Variants in CNIH3 observed in about 807,000 individuals in gnomAD.
CNIH3 encodes the protein protein cornichon homolog 3.
Under a neutral mutation model 24.1 loss-of-function variants are expected in CNIH3, and 14 were observed. The ratio of observed to expected loss-of-function variants is 0.58; its 90% CI spans 0.38 to 0.91. CNIH3 has a LOEUF of 0.91. Ranked by LOEUF, CNIH3 falls within the 40% of genes least tolerant of loss-of-function variation. The probability of loss-of-function intolerance (pLI) is 0.00; values close to 1 mark genes in which losing one functional copy is unlikely to be tolerated. For synonymous variants in CNIH3, 68 were observed against 73.8 expected (o/e 0.92, Z 0.40); for missense variants, 178 against 196.8 (o/e 0.90, Z 0.57).
chr1:224,543,239 C>G (rs562374503), intron 2 of CNIH3, among the ~76,000 whole-genome samples: 2 of 152,174 alleles, frequency 1.3e-5, no homozygotes, highest in Non-Finnish European at 2.9e-5. Flanking sequence ...GAGGGTGACA[C>G]GTCCTGATTC....
At chr1:224,643,144 G>C (rs1380913673) in intron 1 of CNIH3, among the ~76,000 whole-genome samples, 1 of 152,164 alleles carries the variant, frequency 6.6e-6, no homozygotes, top group Non-Finnish European at 1.5e-5. Context: ...TTGTATTCCT[G>C]TCCTCAAATG....
chr1:224,475,272 C>A (rs1210497062), intron 1 of CNIH3, among the ~76,000 whole-genome samples: 31 of 149,888 alleles, frequency 2.1e-4, no homozygotes, highest in Non-Finnish European at 3.2e-4. Flanking sequence ...AGGAGAAGGG[C>A]ATGAACCCAG....
At chr1:224,495,250 T>C (rs1677390281) in intron 1 of CNIH3, among the ~76,000 whole-genome samples, 1 of 152,108 alleles carries the variant, frequency 6.6e-6, no homozygotes, top group Non-Finnish European at 1.5e-5. Flanking sequence ...CCAGCCCCCT[T>C]CTCTCCCATG....
chr1:224,493,139 A>G (rs879590769), intron 1 of CNIH3, among the ~76,000 whole-genome samples: 11 of 152,022 alleles, frequency 7.2e-5, no homozygotes, highest in Admixed American at 7.2e-4. Flanking sequence ...TAGAAACAAA[A>G]TTTTCCTTCT....
intron 4 of CNIH3, among the ~76,000 whole-genome samples, chr1:224,566,634 C>T (rs1680594135): frequency 6.6e-6 from 1 of 152,106 alleles, no homozygotes; most frequent in Non-Finnish European, 1.5e-5. Flanking sequence ...TTTTCTGTTC[C>T]TGTGATAGTT....
chr1:224,489,651 A>G (rs969840139), intron 1 of CNIH3, among the ~76,000 whole-genome samples: 3 of 152,238 alleles, frequency 2.0e-5, no homozygotes, highest in Admixed American at 6.5e-5. Flanking sequence ...TTGGTCTGAT[A>G]GGAGCTATTA....
At chr1:224,466,789 G>T (rs1001152068) in intron 1 of CNIH3, among the ~76,000 whole-genome samples, 1 of 152,134 alleles carries the variant, frequency 6.6e-6, no homozygotes, top group Non-Finnish European at 1.5e-5. Context: ...TTATCACTCT[G>T]TTAGGCATGT....
chr1:224,536,061 A>T (rs770044481), intron 2 of CNIH3, among the ~76,000 whole-genome samples: 3 of 152,176 alleles, frequency 2.0e-5, no homozygotes, highest in South Asian at 4.1e-4. Context: ...GGTGCAAAGA[A>T]GAGTGGACAA....
intron 1 of CNIH3, among the ~76,000 whole-genome samples, chr1:224,439,201 A>G (rs570636020): frequency 3.9e-4 from 59 of 152,210 alleles, no homozygotes; most frequent in Middle Eastern, 3.4e-3. Context: ...CAAACATTCC[A>G]TTCATGCCAT....
intron 1 of CNIH3, among the ~76,000 whole-genome samples, chr1:224,452,255 T>C (rs1313609480): frequency 1.3e-5 from 2 of 151,768 alleles, no homozygotes; most frequent in Non-Finnish European, 2.9e-5. Flanking sequence ...GTTCAAGTGA[T>C]TCTCCTGCCT....
intron 3 of CNIH3, among the ~76,000 whole-genome samples, chr1:224,701,724 C>T (rs553073379): frequency 2.0e-4 from 31 of 152,234 alleles, no homozygotes; most frequent in African/African-American, 3.4e-4. Flanking sequence ...ATCTCACTCG[C>T]GACAGCCCTG....
intron 3 of CNIH3, among the ~76,000 whole-genome samples, chr1:224,716,098 C>G (rs1054230408): frequency 2.6e-5 from 4 of 152,186 alleles, no homozygotes; most frequent in African/African-American, 9.7e-5. Context: ...ATGGTACCTC[C>G]TAAGTATTTT....
intron 3 of CNIH3, among the ~76,000 whole-genome samples, chr1:224,552,790 A>G (rs2124969139): frequency 6.6e-6 from 1 of 151,596 alleles, no homozygotes; most frequent in Admixed American, 6.6e-5. Flanking sequence ...TAGGAGTAAT[A>G]TATCTCCGTT....
intron 1 of CNIH3, among the ~76,000 whole-genome samples, chr1:224,449,036 C>G (rs748787662): frequency 2.0e-5 from 3 of 147,056 alleles, no homozygotes; most frequent in Non-Finnish European, 4.4e-5. Context: ...ATGATCTTGG[C>G]TCACTGCAAC....
At chr1:224,619,833 T>C (rs1683196201) in intron 1 of CNIH3, among the ~76,000 whole-genome samples, 1 of 152,256 alleles carries the variant, frequency 6.6e-6, no homozygotes, top group Non-Finnish European at 1.5e-5. Context: ...ATGCCTGCCA[T>C]GCTGCCATGC....
intron 1 of CNIH3, among the ~76,000 whole-genome samples, chr1:224,653,319 G>A (rs1684948568): frequency 6.6e-6 from 1 of 151,952 alleles, no homozygotes; most frequent in Non-Finnish European, 1.5e-5. Flanking sequence ...CTACTTGGGA[G>A]GCTGAGGTAG....
At chr1:224,468,411 CTAAG>C (rs1208947688) in intron 1 of CNIH3, among the ~76,000 whole-genome samples, 2 of 152,132 alleles carry the variant, frequency 1.3e-5, no homozygotes, top group African/African-American at 2.4e-5. Context: ...AGATTTATAA[CTAAG>C]TATTTCATTT....
At chr1:224,738,145 G>A (rs2125252352) in intron 5 of CNIH3, among the ~76,000 whole-genome samples, 1 of 152,322 alleles carries the variant, frequency 6.6e-6, no homozygotes, top group Non-Finnish European at 1.5e-5. Context: ...GGCACTCACT[G>A]AATCCTCGTG....
intron 1 of CNIH3, among the ~76,000 whole-genome samples, chr1:224,471,388 T>A (rs1676362449): frequency 6.6e-6 from 1 of 151,976 alleles, no homozygotes; most frequent in Non-Finnish European, 1.5e-5. Context: ...CATCCCCTCT[T>A]CCTCCCCACT....
Sources: allele counts gnomAD v4.1 joint callset (sites outside exome capture counted in the v4.1 genomes callset), GRCh38; gene constraint gnomAD v4.1.1; transcripts MANE v1.5; gene names NCBI Gene and HGNC (gene_info 2026-07-23, HGNC 2026-07-21).